Variants in FRYL observed in about 807,000 individuals in gnomAD.
FRYL encodes FRY like transcription coactivator.
In FRYL, 150 loss-of-function variants were observed where a neutral mutation model predicts 351.2. The ratio of observed to expected loss-of-function variants is 0.43; its 90% CI spans 0.37 to 0.49. The LOEUF is 0.49. Ranked by LOEUF, FRYL falls within the 20% of genes least tolerant of loss-of-function variation. The probability of loss-of-function intolerance (pLI) is 0.00; values close to 1 mark genes in which losing one functional copy is unlikely to be tolerated. For synonymous variants in FRYL, 1,153 were observed against 1,257.1 expected (o/e 0.92, Z 1.75); for missense variants, 3,036 against 3,619.3 (o/e 0.84, Z 4.13).
Position 48,549,043 on chromosome 4 carries a change from G to T in FRYL, c.4785-250C>A, listed in dbSNP as rs538281652. On this transcript the variant is annotated intron_variant, in intron 39 of 63. Transcript: ENST00000358350. This position sits in a 1 kb window ranked among gnomAD's most constrained non-coding sequence, Gnocchi z 4.2. ...CATTTTCTTCATCTTTCAACCTTGA[G>T]ACTTAGCACACTGCTTGCCACAGTA... 6.6e-6 allele frequency among the ~76,000 whole-genome samples: 1 copy of T among 152,186 alleles called. No homozygotes were observed. Among genetic ancestry groups the T allele is most frequent in the Non-Finnish European group, 1.5e-5 (1 of 68,040 alleles).
chr4:48,558,617 G>A (rs1221739444), intron 33 of FRYL, among the ~76,000 whole-genome samples: 2 of 152,122 alleles, frequency 1.3e-5, no homozygotes, highest in Non-Finnish European at 2.9e-5. Context: ...GAACAAAAAC[G>A]TAATCAAAAG....
At chr4:48,756,884 G>T (rs1357337928) in intron 1 of FRYL, among the ~76,000 whole-genome samples, 1 of 152,184 alleles carries the variant, frequency 6.6e-6, no homozygotes, top group Non-Finnish European at 1.5e-5. Context: ...GGAGGTTGAG[G>T]CTACAGTGAG....
intron 3 of FRYL, among the ~76,000 whole-genome samples, chr4:48,659,206 C>A (rs774693472): frequency 2.6e-5 from 4 of 151,388 alleles, no homozygotes; most frequent in Non-Finnish European, 4.4e-5. Flanking sequence ...CAAAAATTAG[C>A]CAGGCATAGT....
intron 9 of FRYL, among the ~76,000 whole-genome samples, chr4:48,608,114 A>T (rs1454636691): frequency 2.6e-5 from 4 of 152,206 alleles, no homozygotes; most frequent in African/African-American, 4.8e-5. Flanking sequence ...TCTATATCTA[A>T]ATCATTTAAA....
At chr4:48,628,432 G>A (rs1257682276) in intron 4 of FRYL, among the ~76,000 whole-genome samples, 1 of 1,492 alleles carries the variant, frequency 6.7e-4, no homozygotes, top group African/African-American at 1.8e-3. Context: ...CTTCATTTGC[G>A]TGTGTGTGTG....
chr4:48,503,883 A>G (rs1720307273), intron 60 of FRYL, among the ~76,000 whole-genome samples: 1 of 152,182 alleles, frequency 6.6e-6, no homozygotes, highest in South Asian at 2.1e-4. Context: ...AGTTTATTTC[A>G]TATGGAAATT....
chr4:48,596,124 C>T lies in FRYL; in HGVS notation c.1036-124G>A, dbSNP rs1321797191. Reference sequence around the variant, plus strand: ...ATTCAGTCTAAAATAGGTTTAAATACCAGGTACATATTTGGTATAGGGTAA... The same window carrying T: ...ATTCAGTCTAAAATAGGTTTAAATATCAGGTACATATTTGGTATAGGGTAA... On this transcript the variant is annotated intron_variant, in intron 13 of 63. Coordinates refer to ENST00000358350, the MANE Select transcript of FRYL (RefSeq NM_015030.2). The T allele has an allele frequency of 7.7e-6, 5 of 647,516 alleles. No homozygotes were observed. The African/African-American group carries it at 9.6e-5, about 12-fold the overall frequency. 40.1% of individuals were successfully genotyped at this position (647,516 alleles called of 1,614,324 possible). A position where few individuals can be genotyped will look rare whatever the true frequency, so the allele number is the denominator to read the frequency against.
In FRYL at chr4:48,620,768, G is replaced by C; in HGVS notation, c.185C>G (p.Ser62Cys). The C allele has an allele frequency of 6.2e-7, 1 of 1,612,878 alleles. No individual in the cohort carries two copies. The highest frequency in any genetic ancestry group is 8.5e-7 in the Non-Finnish European group (1 of 1,179,072). ...ACAGTGCTCTGCTACTGAGCTCATAGAGCTTATCAACTGAAAACACAAGAT... is the reference window on the plus strand; with the variant it reads ...ACAGTGCTCTGCTACTGAGCTCATACAGCTTATCAACTGAAAACACAAGAT... Reference protein sequence around the residue: ...EDLQFDQLISSMSSVAEHCLP... With the variant: ...EDLQFDQLISCMSSVAEHCLP... Residue 62 changes from serine to cysteine, a missense_variant, in exon 6 of 64, where the codon TCT (serine) becomes TGT (cysteine). Coordinates refer to ENST00000358350, the MANE Select transcript of FRYL (RefSeq NM_015030.2).
At chr4:48,612,552 C>T (rs2149289717) in intron 7 of FRYL, among the ~76,000 whole-genome samples, 2 of 151,174 alleles carry the variant, frequency 1.3e-5, no homozygotes, top group Middle Eastern at 3.4e-3. Context: ...AGTTTTATTA[C>T]AGTATATTGT....
At chr4:48,687,504 GGGT>G (rs777272728) in intron 2 of FRYL, among the ~76,000 whole-genome samples, 5,515 of 96,798 alleles carry the variant, frequency 0.057, 25 homozygotes, top group Middle Eastern at 0.1. Flanking sequence ...GGGGGGGGGG[GGGT>G]GAGGGGGGAG....
In FRYL at chr4:48,632,248, T is replaced by C. The variant is rs1578438280; in HGVS notation, c.120+2043A>G. 3.4e-5 allele frequency among the ~76,000 whole-genome samples: 5 copies of C among 149,250 alleles called. No individual in the cohort carries two copies. The South Asian group carries it at 1.1e-3, about 31-fold the overall frequency. The stretch of plus-strand genomic sequence containing the variant: ...AATAAAGTGTTTTTAAAATGTGCTG[T>C]GTGACTTGAAAATGGCTGAGGCCAG... On this transcript the variant is annotated intron_variant, in intron 4 of 63. Transcript: ENST00000358350.
intron 1 of FRYL, among the ~76,000 whole-genome samples, chr4:48,718,324 T>C (rs1008098955): frequency 1.3e-5 from 2 of 151,624 alleles, no homozygotes; most frequent in African/African-American, 4.8e-5. Context: ...AAAGAAAATG[T>C]CTTGGCTATA....
chr4:48,620,492 C>A (rs1216544540), intron 6 of FRYL, 147 bp downstream of exon 6: 2 of 763,274 alleles, frequency 2.6e-6, no homozygotes, highest in Non-Finnish European at 4.2e-6. Flanking sequence ...TGTGAACTAT[C>A]CTTCTCCCTT....
intron 59 of FRYL, among the ~76,000 whole-genome samples, chr4:48,508,374 T>G (rs1374984934): frequency 6.6e-6 from 1 of 152,256 alleles, no homozygotes; most frequent in East Asian, 1.9e-4. Flanking sequence ...ATATTGAGTC[T>G]TCTAATTGAT....
chr4:48,508,235 A>G (rs1308018930), intron 59 of FRYL, among the ~76,000 whole-genome samples: 3 of 152,210 alleles, frequency 2.0e-5, no homozygotes, highest in African/African-American at 7.2e-5. Flanking sequence ...TGTAAGCATT[A>G]TTAGTTGTTT....
At chr4:48,648,484 C>T (rs563946014) in intron 3 of FRYL, among the ~76,000 whole-genome samples, 4 of 152,204 alleles carry the variant, frequency 2.6e-5, no homozygotes, top group African/African-American at 7.2e-5. Context: ...TTCAGATCTT[C>T]CTAAAGTATC....
At chr4:48,546,361 T>A in intron 41 of FRYL, 90 bp from the exon 42 acceptor site, 5 of 990,416 alleles carry the variant, frequency 5.0e-6, no homozygotes, top group South Asian at 1.5e-5. Flanking sequence ...TTAGACTCTA[T>A]GGGACACATG....
intron 9 of FRYL, among the ~76,000 whole-genome samples, chr4:48,608,587 G>A (rs1157095367): frequency 6.6e-6 from 1 of 152,034 alleles, no homozygotes; most frequent in Non-Finnish European, 1.5e-5. Context: ...ACTCTGTTTA[G>A]CATTAAAACA....
chr4:48,626,954 T>C (rs530490252), intron 4 of FRYL, among the ~76,000 whole-genome samples: 1 of 152,264 alleles, frequency 6.6e-6, no homozygotes, highest in African/African-American at 2.4e-5. Context: ...GGAACGTCTT[T>C]AGTACTCGGG....
Sources: allele counts gnomAD v4.1 joint callset (sites outside exome capture counted in the v4.1 genomes callset), GRCh38; gene constraint gnomAD v4.1.1; non-coding constraint Gnocchi (gnomAD v3.1); transcripts MANE v1.5; gene names NCBI Gene and HGNC (gene_info 2026-07-23, HGNC 2026-07-21).